Variants in VAV3 observed in about 807,000 individuals in gnomAD.
VAV3 encodes the protein guanine nucleotide exchange factor VAV3.
A neutral mutation model predicts 131.2 loss-of-function variants in VAV3; 94 were observed. That is an observed-to-expected ratio of 0.72 (90% CI 0.61 to 0.85). The LOEUF (loss-of-function observed/expected upper bound fraction) is 0.85, where lower values mean the gene tolerates loss of function less well. VAV3 is among the 40% of genes least tolerant of loss of function. The pLI is 0.00. For synonymous variants in VAV3, 349 were observed against 342.0 expected (o/e 1.02, Z -0.22); for missense variants, 939 against 1,002.7 (o/e 0.94, Z 0.86).
At chr1:107,811,510 CT>C (rs1214267176) in intron 2 of VAV3, among the ~76,000 whole-genome samples, 2 of 152,158 alleles carry the variant, frequency 1.3e-5, no homozygotes, top group African/African-American at 4.8e-5. Context: ...CCAAAACTGG[CT>C]GAAATTATCA....
At chr1:107,847,061 T>TA (rs1321836996) in intron 2 of VAV3, among the ~76,000 whole-genome samples, 4 of 152,006 alleles carry the variant, frequency 2.6e-5, no homozygotes, top group African/African-American at 9.7e-5. Context: ...ATGGAAATCA[T>TA]AAAAAACAGT....
chr1:107,596,464 TG>T, intron 24 of VAV3, 123 bp from the exon 25 acceptor site: 1 of 1,045,460 alleles, frequency 9.6e-7, no homozygotes, highest in South Asian at 1.7e-5. Context: ...CATAGGTATA[TG>T]GAAGATTAAG....
Position 107,755,152 on chromosome 1 carries a change from G to GA in VAV3, c.1173+274dup, listed in dbSNP as rs1289273215. Among the ~76,000 whole-genome samples the GA allele has an allele frequency of 1.2e-4, 18 of 149,794 alleles. 1 individual carries two copies. The South Asian group carries it at 1.7e-3, about 14-fold the overall frequency. ...ATGTAGGGGGATGAGGGAAAGAAAA[G>GA]AAAAAAAAAGTGGACTCCTATATTT... is the stretch of plus-strand genomic sequence containing the variant. On this transcript the variant is annotated intron_variant, in intron 12 of 26. Transcript: ENST00000370056.
chr1:107,750,603 GA>G (rs1447821040), intron 13 of VAV3, among the ~76,000 whole-genome samples: 2 of 152,150 alleles, frequency 1.3e-5, no homozygotes, highest in African/African-American at 4.8e-5. Context: ...AAAGATTCCA[GA>G]AAACAATCAT....
chr1:107,833,914 G>T (rs760508235), intron 2 of VAV3, among the ~76,000 whole-genome samples: 2 of 152,132 alleles, frequency 1.3e-5, no homozygotes, highest in Admixed American at 6.5e-5. Flanking sequence ...ATGCTTACTC[G>T]CATGCAATTT....
chr1:107,879,044 C>T (rs1430371999), intron 1 of VAV3, among the ~76,000 whole-genome samples: 2 of 151,688 alleles, frequency 1.3e-5, no homozygotes, highest in African/African-American at 4.8e-5. Flanking sequence ...TTTTTTAATG[C>T]TCATATTGTC....
At chr1:107,928,025 T>G (rs1571152942) in intron 1 of VAV3, among the ~76,000 whole-genome samples, 1 of 151,798 alleles carries the variant, frequency 6.6e-6, no homozygotes, top group Non-Finnish European at 1.5e-5. Flanking sequence ...GCCAGAGGGG[T>G]GCTTGTGTCA....
chr1:107,650,521 C>CT (rs920278034), intron 19 of VAV3, among the ~76,000 whole-genome samples: 10 of 149,164 alleles, frequency 6.7e-5, no homozygotes, highest in Non-Finnish European at 1.5e-4. Flanking sequence ...GAGGTGGAGC[C>CT]TTTTTTTTTA....
chr1:107,585,489 G>T (rs1650409406), intron 25 of VAV3, among the ~76,000 whole-genome samples: 1 of 152,074 alleles, frequency 6.6e-6, no homozygotes, highest in South Asian at 2.1e-4. Flanking sequence ...AAGTCCTTTA[G>T]GGCCTTAAGT....
intron 2 of VAV3, among the ~76,000 whole-genome samples, chr1:107,799,300 T>A (rs1319513405): frequency 4.0e-5 from 6 of 150,440 alleles, no homozygotes; most frequent in Non-Finnish European, 4.4e-5. Context: ...CTGTTTTTAG[T>A]GTTCACCTAT....
chr1:107,632,610 A>G (rs1654587696), intron 20 of VAV3, among the ~76,000 whole-genome samples: 1 of 152,208 alleles, frequency 6.6e-6, no homozygotes, highest in Admixed American at 6.6e-5. Flanking sequence ...CACTAGATGA[A>G]CTTTAAATAT....
intron 1 of VAV3, among the ~76,000 whole-genome samples, chr1:107,916,411 G>T (rs541850591): frequency 7.0e-4 from 106 of 152,270 alleles, no homozygotes; most frequent in African/African-American, 2.3e-3. Flanking sequence ...CAAATATATT[G>T]CAAGTAATAT....
chr1:107,617,638 G>GAAA lies in VAV3; in HGVS notation c.1915-9_1915-7dup. On this transcript the variant is annotated splice_polypyrimidine_tract_variant and splice_region_variant and intron_variant, in intron 20 of 26. Coordinates refer to ENST00000370056, the MANE Select transcript of VAV3 (RefSeq NM_006113.5). ...CCAGATGCTAAATTTCTGCCCTAAG[G>GAAA]AAAAAAAAAAAATGCCAGTGTTGAG... The GAAA allele has an allele frequency of 1.4e-6, 2 of 1,402,712 alleles. No individual in the cohort carries two copies. The highest frequency in any genetic ancestry group is 1.9e-5 in the Admixed American group (1 of 51,490). 86.9% of individuals were successfully genotyped at this position (1,402,712 alleles called of 1,614,324 possible).
chr1:107,869,873 CAT>C (rs1440087735), intron 2 of VAV3, among the ~76,000 whole-genome samples: 2 of 152,328 alleles, frequency 1.3e-5, no homozygotes, highest in Admixed American at 6.5e-5. Context: ...TTAGCTCCCA[CAT>C]ATGAGTGAGA....
intron 4 of VAV3, among the ~76,000 whole-genome samples, chr1:107,775,054 A>G (rs912565046): frequency 2.0e-5 from 3 of 152,196 alleles, no homozygotes; most frequent in African/African-American, 7.2e-5. Flanking sequence ...TCCTGCAAAT[A>G]CATTCGGACC....
intron 19 of VAV3, among the ~76,000 whole-genome samples, chr1:107,661,782 T>C (rs1235076574): frequency 1.3e-5 from 2 of 152,210 alleles, no homozygotes; most frequent in Non-Finnish European, 2.9e-5. Flanking sequence ...TGTTGTCAAA[T>C]TCTCTATTTC....
rs369723902 is a variant in VAV3 at position 107,616,386 on chromosome 1, G to T, written c.1980+1181C>A. 1.3e-4 allele frequency among the ~76,000 whole-genome samples: 20 copies of T among 152,180 alleles called. No individual in the cohort carries two copies. In the East Asian group the frequency reaches 1.7e-3, roughly 13 times the overall value. The stretch of plus-strand genomic sequence containing the variant: ...TCATTTATAAGTGAAAGTTAAAATT[G>T]AGTATACATGGACATGAGAAGGGAA... On this transcript the variant is annotated intron_variant, in intron 21 of 26. Coordinates refer to ENST00000370056, the MANE Select transcript of VAV3 (RefSeq NM_006113.5).
At chr1:107,846,755 C>G (rs989612977) in intron 2 of VAV3, among the ~76,000 whole-genome samples, 3 of 152,148 alleles carry the variant, frequency 2.0e-5, no homozygotes, top group African/African-American at 4.8e-5. Context: ...AATACAGGAG[C>G]ACCCAGATTC....
At chr1:107,682,704 T>C (rs186322604) in intron 19 of VAV3, among the ~76,000 whole-genome samples, 32 of 146,918 alleles carry the variant, frequency 2.2e-4, no homozygotes, top group African/African-American at 7.7e-4. Flanking sequence ...ATACCACTTA[T>C]GATAGGAAAA....
Sources: gnomAD v4.1 joint callset for allele counts (sites outside exome capture counted in the v4.1 genomes callset) on GRCh38, gnomAD v4.1.1 for gene constraint, MANE v1.5 for transcripts, NCBI Gene and HGNC (gene_info 2026-07-23, HGNC 2026-07-21) for gene names.